Variants in PCDHGA10 observed in about 807,000 individuals in gnomAD.
The protein encoded by PCDHGA10 is protocadherin gamma subfamily A, 10.
Under a neutral mutation model 59.5 loss-of-function variants are expected in PCDHGA10, and 42 were observed. The ratio of observed to expected loss-of-function variants is 0.71; its 90% CI spans 0.55 to 0.91. The LOEUF is 0.91. Ranked by LOEUF, PCDHGA10 falls within the 40% of genes least tolerant of loss-of-function variation. The pLI is 0.00. For missense variants in PCDHGA10, 1,111 were observed against 1,198.2 expected, an observed-to-expected ratio of 0.93 and a Z score of 1.07; for synonymous variants, 511 against 517.2, an observed-to-expected ratio of 0.99 and a Z score of 0.16.
chr5:141,413,140 A>T lies in PCDHGA10; in HGVS notation c.-36A>T, dbSNP rs2095607783. The T allele has an allele frequency of 6.4e-7, 1 of 1,563,150 alleles. No individual in the cohort carries two copies. Among genetic ancestry groups the T allele is most frequent in the Non-Finnish European group, 8.7e-7 (1 of 1,154,428 alleles). ...ACCGGTTGAAACACACAACGTGTCCAGTGAGGACTTTGCAGAATTCTGTAA... is the reference window on the plus strand; with the variant it reads ...ACCGGTTGAAACACACAACGTGTCCTGTGAGGACTTTGCAGAATTCTGTAA... On this transcript the variant is annotated 5_prime_UTR_variant, in exon 1 of 4. Transcript: ENST00000398610.
chr5:141,421,847 C>G, intron 1 of PCDHGA10: 1 of 1,613,752 alleles, frequency 6.2e-7, no homozygotes, highest in Non-Finnish European at 8.5e-7. Flanking sequence ...GAGAAAGAGG[C>G]TGCTCACCTG....
At chr5:141,469,424 AC>A (rs1173507321) in intron 1 of PCDHGA10, among the ~76,000 whole-genome samples, 1 of 151,864 alleles carries the variant, frequency 6.6e-6, no homozygotes, top group East Asian at 1.9e-4. Context: ...AAAATATAAA[AC>A]TTAGCTGGGC....
intron 1 of PCDHGA10, among the ~76,000 whole-genome samples, chr5:141,466,815 A>G (rs1019952491): frequency 1.3e-5 from 2 of 152,182 alleles, no homozygotes; most frequent in Non-Finnish European, 2.9e-5. Flanking sequence ...CAGACATGGT[A>G]TAACAAGTTA....
At position 141,431,052 on chromosome 5, in the gene PCDHGA10, G is replaced by T. The variant is rs148326556; in HGVS notation, c.2436+15441G>T. 7.4e-6 allele frequency: 12 copies of T among 1,614,110 alleles called. No homozygotes were observed. The African/African-American group carries it at 1.6e-4, about 22-fold the overall frequency. On this transcript the variant is annotated intron_variant, in intron 1 of 3. Coordinates refer to ENST00000398610, the MANE Select transcript of PCDHGA10 (RefSeq NM_018913.3). The surrounding 1 kb of genome is among the most constrained non-coding windows in gnomAD (Gnocchi z 4.8). ...ATAGACCGGGAGGAGCTCTGTATGG[G>T]GGCCATCAAGTGTCAATTAAATCTA...
At chr5:141,423,679 C>T in intron 1 of PCDHGA10, 2 of 1,487,594 alleles carry the variant, frequency 1.3e-6, no homozygotes, top group South Asian at 1.3e-5. Context: ...TATTTCTCTG[C>T]CTCCTAATTG....
Position 141,486,486 on chromosome 5 carries a change from A to G in PCDHGA10, c.2437-8321A>G. The G allele has an allele frequency of 6.2e-7, 1 of 1,614,056 alleles. No individual in the cohort carries two copies. Among genetic ancestry groups the G allele is most frequent in the South Asian group, 1.1e-5 (1 of 91,084 alleles). ...GCTGGGAACCCTCCTCTCAGTACCC[A>G]CAGAACTATTTTCCTCAATATTTCA... On this transcript the variant is annotated intron_variant, in intron 1 of 3. Coordinates refer to ENST00000398610, the MANE Select transcript of PCDHGA10 (RefSeq NM_018913.3). The surrounding 1 kb of genome is among the most constrained non-coding windows in gnomAD (Gnocchi z 5.0).
Position 141,490,820 on chromosome 5 carries a change from T to G in PCDHGA10, c.2437-3987T>G. On this transcript the variant is annotated intron_variant, in intron 1 of 3. Transcript: ENST00000398610. The surrounding 1 kb of genome is among the most constrained non-coding windows in gnomAD (Gnocchi z 5.4). ...CAGCGTACCTTTGACTATGAATTGC[T>G]GCAGATGCTGCAGATTGTGGTGGGG... 6.2e-7 allele frequency: 1 copy of G among 1,613,820 alleles called. No homozygotes were observed. Among genetic ancestry groups the G allele is most frequent in the Non-Finnish European group, 8.5e-7 (1 of 1,179,768 alleles).
chr5:141,436,193 A>G (rs2097801112), intron 1 of PCDHGA10, among the ~76,000 whole-genome samples: 1 of 152,156 alleles, frequency 6.6e-6, no homozygotes, highest in South Asian at 2.1e-4. Flanking sequence ...AAATAGAAAG[A>G]AAGACATAAT....
intron 3 of PCDHGA10, among the ~76,000 whole-genome samples, chr5:141,509,596 G>A (rs538867815): frequency 1.3e-5 from 2 of 152,258 alleles, no homozygotes; most frequent in Admixed American, 6.5e-5. Context: ...TGGCAATTCC[G>A]AGAGGCTGCA....
chr5:141,457,868 G>T lies in PCDHGA10; in HGVS notation c.2437-36939G>T, dbSNP rs1479066479. ...AAAGTGACATTCTTCACTGACCACA[G>T]GTTAGGAACCCTGTGTGGGGACTGT... On this transcript the variant is annotated intron_variant, in intron 1 of 3. Transcript: ENST00000398610. Among the ~76,000 whole-genome samples the T allele has an allele frequency of 2.0e-5, 3 of 152,346 alleles. No individual in the cohort carries two copies. In the East Asian group the frequency reaches 5.8e-4, roughly 29 times the overall value.
At chr5:141,427,259 G>A (rs1365845158) in intron 1 of PCDHGA10, 1 of 456,756 alleles carries the variant, frequency 2.2e-6, no homozygotes, top group Non-Finnish European at 4.4e-6. Flanking sequence ...GTGGAGGCAT[G>A]ACCAGCGAAT....
At position 141,491,137 on chromosome 5, in the gene PCDHGA10, GC is replaced by G. The variant is rs1373404184; in HGVS notation, c.2437-3668del. ...CACTGGTGAGGTGCGCACAGCCCGG[GC>G]CTTACTGGAGGATGACTCTGACACC... On this transcript the variant is annotated intron_variant, in intron 1 of 3. Transcript: ENST00000398610. This position sits in a 1 kb window ranked among gnomAD's most constrained non-coding sequence, Gnocchi z 6.9. The G allele has an allele frequency of 1.2e-6, 2 of 1,614,156 alleles. No individual in the cohort carries two copies. Among genetic ancestry groups the G allele is most frequent in the Non-Finnish European group, 1.7e-6 (2 of 1,180,008 alleles).
intron 1 of PCDHGA10, chr5:141,428,158 G>A: frequency 6.3e-7 from 1 of 1,577,728 alleles, no homozygotes; most frequent in Non-Finnish European, 8.7e-7. Context: ...GGAACCTGCT[G>A]GTTGCTGTGC....
At position 141,431,007 on chromosome 5, in the gene PCDHGA10, G is replaced by C. The variant is rs149559471; in HGVS notation, c.2436+15396G>C. On this transcript the variant is annotated intron_variant, in intron 1 of 3. Transcript: ENST00000398610. This position sits in a 1 kb window ranked among gnomAD's most constrained non-coding sequence, Gnocchi z 4.8. Reference sequence around the variant, plus strand: ...TTCGCCCTGAATCCGCGCAGCGGCAGCTTGGTCACGGCGGGCAGGATAGAC... The same window carrying C: ...TTCGCCCTGAATCCGCGCAGCGGCACCTTGGTCACGGCGGGCAGGATAGAC... 10 of 1,614,050 alleles carry C rather than the reference G, an allele frequency of 6.2e-6. No homozygotes were observed. The highest frequency in any genetic ancestry group is 8.5e-6 in the Non-Finnish European group (10 of 1,180,018).
Position 141,476,525 on chromosome 5 carries a change from A to T in PCDHGA10, c.2437-18282A>T, listed in dbSNP as rs766638463. On this transcript the variant is annotated intron_variant, in intron 1 of 3. Coordinates refer to ENST00000398610, the MANE Select transcript of PCDHGA10 (RefSeq NM_018913.3). This position sits in a 1 kb window ranked among gnomAD's most constrained non-coding sequence, Gnocchi z 7.6. ...CAACGACAACAATCCTGCTTTCCCTACCCAGGAAATGAAATTGGAGATTAG... is the reference window on the plus strand; with the variant it reads ...CAACGACAACAATCCTGCTTTCCCTTCCCAGGAAATGAAATTGGAGATTAG... The T allele has an allele frequency of 6.2e-7, 1 of 1,614,068 alleles. No homozygotes were observed. The highest frequency in any genetic ancestry group is 2.2e-5 in the East Asian group (1 of 44,854).
Position 141,487,082 on chromosome 5 carries a change from G to A in PCDHGA10, c.2437-7725G>A, listed in dbSNP as rs2099639361. On this transcript the variant is annotated intron_variant, in intron 1 of 3. Transcript: ENST00000398610. The surrounding 1 kb of genome is among the most constrained non-coding windows in gnomAD (Gnocchi z 5.0). Reference sequence around the variant, plus strand: ...GCGGACGGCTGTTCCTATCCCAGCTGACCTCCCACCACAGAAGCTGGTCAT... The same window carrying A: ...GCGGACGGCTGTTCCTATCCCAGCTAACCTCCCACCACAGAAGCTGGTCAT... The A allele has an allele frequency of 8.1e-6, 13 of 1,614,056 alleles. No individual in the cohort carries two copies. The highest frequency in any genetic ancestry group is 1.1e-5 in the Non-Finnish European group (13 of 1,179,938).
intron 2 of PCDHGA10, among the ~76,000 whole-genome samples, chr5:141,500,216 ATTT>A (rs979396489): frequency 3.1e-4 from 46 of 149,244 alleles, no homozygotes; most frequent in Non-Finnish European, 6.7e-4. Context: ...TTATTTATTT[ATTT>A]ATTTATTGAT....
intron 1 of PCDHGA10, among the ~76,000 whole-genome samples, chr5:141,467,330 G>T (rs1335387199): frequency 6.6e-6 from 1 of 152,138 alleles, no homozygotes; most frequent in East Asian, 1.9e-4. Context: ...TGGGATTAGA[G>T]ACGTAAGCCA....
intron 1 of PCDHGA10, among the ~76,000 whole-genome samples, chr5:141,436,531 G>T (rs1365651055): frequency 6.6e-6 from 1 of 152,152 alleles, no homozygotes; most frequent in African/African-American, 2.4e-5. Context: ...CCTTTAGCAA[G>T]TTATTTAATC....
Sources: gnomAD v4.1 joint callset for allele counts (sites outside exome capture counted in the v4.1 genomes callset) on GRCh38, gnomAD v4.1.1 for gene constraint, Gnocchi (gnomAD v3.1) non-coding constraint, MANE v1.5 for transcripts, NCBI Gene and HGNC (gene_info 2026-07-23, HGNC 2026-07-21) for gene names.